The following PACS1 variants were observed in gnomAD, a reference collection of about 807,000 sequenced individuals.
The protein encoded by PACS1 is phosphofurin acidic cluster sorting protein 1.
Under a neutral mutation model 115.0 loss-of-function variants are expected in PACS1, and 24 were observed. The observed-to-expected ratio is 0.21, with a 90% CI of 0.15 to 0.29. PACS1 has a LOEUF of 0.29. PACS1 is among the 10% of genes least tolerant of loss of function. PACS1 has a pLI of 1.00. For missense variants in PACS1, 838 were observed against 1,251.2 expected (o/e 0.67, Z 4.98); for synonymous variants, 453 against 504.5 (o/e 0.90, Z 1.37).
At chr11:66,100,754 G>T in intron 1 of PACS1, 1 of 455,974 alleles carries the variant, frequency 2.2e-6, no homozygotes, top group Admixed American at 2.4e-5. Flanking sequence ...AGAATCTTGT[G>T]CAGTCTCCCT....
intron 1 of PACS1, among the ~76,000 whole-genome samples, chr11:66,134,232 A>ATT (rs1858777340): frequency 1.0e-5 from 1 of 95,418 alleles, no homozygotes; most frequent in Non-Finnish European, 2.3e-5. Flanking sequence ...CGGTGATTAA[A>ATT]TTTCTTTTTC....
chr11:66,138,808 G>A (rs1858908626), intron 1 of PACS1, among the ~76,000 whole-genome samples: 2 of 151,640 alleles, frequency 1.3e-5, no homozygotes, highest in Non-Finnish European at 2.9e-5. Context: ...TCAGCCTCCC[G>A]AGTAGCTGGG....
At chr11:66,105,354 C>T (rs1023005680) in intron 1 of PACS1, among the ~76,000 whole-genome samples, 5 of 152,110 alleles carry the variant, frequency 3.3e-5, no homozygotes, top group Non-Finnish European at 7.4e-5. Context: ...ACCGGGGAGG[C>T]AGAGGTTGCA....
intron 1 of PACS1, among the ~76,000 whole-genome samples, chr11:66,179,952 A>G (rs1859962517): frequency 6.6e-6 from 1 of 152,012 alleles, no homozygotes; most frequent in African/African-American, 2.4e-5. Flanking sequence ...GCCAGGTTCA[A>G]GTGATTCTCA....
At chr11:66,211,651 G>T (rs1014777971) in intron 4 of PACS1, among the ~76,000 whole-genome samples, 1 of 152,114 alleles carries the variant, frequency 6.6e-6, no homozygotes, top group Non-Finnish European at 1.5e-5. Flanking sequence ...GTAAGTTGCT[G>T]GCACGATGCC....
At chr11:66,238,493 A>T (rs1451455267) in intron 19 of PACS1, 1 of 275,916 alleles carries the variant, frequency 3.6e-6, no homozygotes, top group Non-Finnish European at 5.9e-6. Context: ...TTATTTACTT[A>T]TTTATTTGAT....
At chr11:66,075,738 CTTTT>C (rs756089252) in intron 1 of PACS1, among the ~76,000 whole-genome samples, 1 of 134,120 alleles carries the variant, frequency 7.5e-6, no homozygotes, top group Non-Finnish European at 1.6e-5. Context: ...ATTAAAAGTC[CTTTT>C]TTTTTTTTTT....
chr11:66,230,006 G>A lies in PACS1; in HGVS notation c.1375-542G>A, dbSNP rs150899728. Among the ~76,000 whole-genome samples, 1,379 of 152,086 alleles carry A rather than the reference G, an allele frequency of 9.1e-3. 11 individuals are homozygous for A. The highest frequency in any genetic ancestry group is 0.013 in the Non-Finnish European group (854 of 67,972). On this transcript the variant is annotated intron_variant, in intron 11 of 23. Coordinates refer to ENST00000320580, the MANE Select transcript of PACS1 (RefSeq NM_018026.4). ...GAAAGGCAAAGGCCTGGGCTCAGAA[G>A]GTGGGATAGAGAGGGTGGATGTGAG...
At position 66,202,739 on chromosome 11, in the gene PACS1, AAAAATATATATATATATATAT is replaced by A. The variant is rs1445656831; in HGVS notation, c.445-7621_445-7601del. On this transcript the variant is annotated intron_variant, in intron 2 of 23. Coordinates refer to ENST00000320580, the MANE Select transcript of PACS1 (RefSeq NM_018026.4). The stretch of plus-strand genomic sequence containing the variant: ...CCTCATCTCTAGGAAAAAAAAAAAA[AAAAATATATATATATATATAT>A]ATATATATATATATATATATATTCT... Among the ~76,000 whole-genome samples the A allele has an allele frequency of 7.6e-3, 555 of 73,048 alleles. 78 individuals carry two copies. The highest frequency in any genetic ancestry group is 0.03 in the African/African-American group (525 of 17,760). 47.9% of individuals were successfully genotyped at this position (73,048 alleles called of 152,430 possible). A position where few individuals can be genotyped will look rare whatever the true frequency, so the allele number is the denominator to read the frequency against.
Position 66,235,263 on chromosome 11 carries a change from G to C in PACS1, c.2105-38G>C. Reference sequence around the variant, plus strand: ...AGGGTCTGCAGGTTTGCCAGCTGAAGTCAGTAGGCAGTTAGTGATCTCTTG... The same window carrying C: ...AGGGTCTGCAGGTTTGCCAGCTGAACTCAGTAGGCAGTTAGTGATCTCTTG... On this transcript the variant is annotated intron_variant, in intron 17 of 23. Transcript: ENST00000320580. The surrounding 1 kb of genome is among the most constrained non-coding windows in gnomAD (Gnocchi z 5.6). 6.7e-7 allele frequency: 1 copy of C among 1,501,616 alleles called. No individual in the cohort carries two copies. The highest frequency in any genetic ancestry group is 2.3e-5 in the East Asian group (1 of 44,220). 93.0% of individuals were successfully genotyped at this position (1,501,616 alleles called of 1,614,324 possible). A position where few individuals can be genotyped will look rare whatever the true frequency, so the allele number is the denominator to read the frequency against.
intron 1 of PACS1, among the ~76,000 whole-genome samples, chr11:66,129,455 A>ATATTATTATTAT (rs71455707): frequency 1.1e-3 from 155 of 140,386 alleles, no homozygotes; most frequent in East Asian, 3.3e-3. Flanking sequence ...GGTTTAAAAA[A>ATATTATTATTAT]TATTATTATT....
chr11:66,151,164 AAAAT>A (rs912377656), intron 1 of PACS1, among the ~76,000 whole-genome samples: 2 of 151,808 alleles, frequency 1.3e-5, no homozygotes, highest in African/African-American at 4.8e-5. Context: ...GACAAAAACA[AAAAT>A]AAAAACCAGC....
At chr11:66,157,695 G>A (rs2134619890) in intron 1 of PACS1, among the ~76,000 whole-genome samples, 1 of 151,912 alleles carries the variant, frequency 6.6e-6, no homozygotes, top group Middle Eastern at 3.4e-3. Flanking sequence ...CTTGGCTGTG[G>A]GACTTGTTAT....
intron 1 of PACS1, among the ~76,000 whole-genome samples, chr11:66,106,304 G>A (rs1858038248): frequency 6.6e-6 from 1 of 152,222 alleles, no homozygotes; most frequent in Admixed American, 6.5e-5. Context: ...GAGTGCAGTG[G>A]CTCACGCCTG....
intron 1 of PACS1, among the ~76,000 whole-genome samples, chr11:66,192,552 C>T (rs937084946): frequency 6.6e-6 from 1 of 152,214 alleles, no homozygotes; most frequent in African/African-American, 2.4e-5. Context: ...GGGGCCTGAG[C>T]AGGGCCTAGA....
intron 1 of PACS1, among the ~76,000 whole-genome samples, chr11:66,172,906 G>T (rs1382887847): frequency 1.3e-5 from 2 of 151,228 alleles, no homozygotes; most frequent in Non-Finnish European, 2.9e-5. Flanking sequence ...AACCCGGGAG[G>T]CGGAGGTTGT....
At chr11:66,083,737 CTTGT>C (rs1857523500) in intron 1 of PACS1, among the ~76,000 whole-genome samples, 1 of 152,094 alleles carries the variant, frequency 6.6e-6, no homozygotes, top group Admixed American at 6.5e-5. Flanking sequence ...GCTCTGTTTT[CTTGT>C]TTGTCATTTA....
At chr11:66,169,560 C>T (rs1165297839) in intron 1 of PACS1, among the ~76,000 whole-genome samples, 3 of 117,742 alleles carry the variant, frequency 2.5e-5, no homozygotes, top group East Asian at 2.5e-4. Flanking sequence ...CCACCACGCC[C>T]GGCTAATTTT....
intron 1 of PACS1, among the ~76,000 whole-genome samples, chr11:66,113,046 G>A (rs1032874491): frequency 6.6e-5 from 10 of 152,182 alleles, no homozygotes; most frequent in African/African-American, 2.4e-4. Flanking sequence ...ACCCAGGATG[G>A]GAGAGGGTTG....
Sources: allele counts gnomAD v4.1 joint callset (sites outside exome capture counted in the v4.1 genomes callset), GRCh38; gene constraint gnomAD v4.1.1; non-coding constraint Gnocchi (gnomAD v3.1); transcripts MANE v1.5; gene names NCBI Gene and HGNC (gene_info 2026-07-23, HGNC 2026-07-21).